MPHOSPH10: variants seen among roughly 807,000 people sequenced by gnomAD.
MPHOSPH10 encodes U3 small nucleolar ribonucleoprotein MPP10.
A neutral mutation model predicts 77.3 loss-of-function variants in MPHOSPH10; 33 were observed. The ratio of observed to expected loss-of-function variants is 0.43; its 90% CI spans 0.32 to 0.57. The LOEUF (loss-of-function observed/expected upper bound fraction) is 0.57. Ranked by LOEUF, MPHOSPH10 falls within the 20% of genes least tolerant of loss-of-function variation. The pLI is 0.07. For missense variants in MPHOSPH10, 708 were observed against 780.1 expected, an observed-to-expected ratio of 0.91 and a Z score of 1.10; for synonymous variants, 245 against 268.0, an observed-to-expected ratio of 0.91 and a Z score of 0.84.
intron 6 of MPHOSPH10, among the ~76,000 whole-genome samples, chr2:71,140,305 G>A (rs1446326751): frequency 6.6e-6 from 1 of 152,182 alleles, no homozygotes; most frequent in Non-Finnish European, 1.5e-5. Context: ...CCAAGGTCGA[G>A]GGGCCTTCTT....
intron 5 of MPHOSPH10, chr2:71,139,331 T>C (rs1300416802): frequency 6.4e-6 from 1 of 156,920 alleles, no homozygotes; most frequent in African/African-American, 2.4e-5. Context: ...TGATACCTAA[T>C]GTATAGTTTG....
In MPHOSPH10 at chr2:71,134,612, T is replaced by C. The variant is rs1673451021; in HGVS notation, c.927-14T>C. 6.4e-7 allele frequency: 1 copy of C among 1,573,880 alleles called. No homozygotes were observed. Among genetic ancestry groups the C allele is most frequent in the Non-Finnish European group, 8.6e-7 (1 of 1,166,458 alleles). On this transcript the variant is annotated splice_polypyrimidine_tract_variant and intron_variant, in intron 3 of 10. Coordinates refer to ENST00000244230, the MANE Select transcript of MPHOSPH10 (RefSeq NM_005791.3). ...AGTAGTATATTTCTTTTTATAAGAG[T>C]TTTGGTATTGTAGGGATGAAGATGA...
At chr2:71,147,519 A>G (rs1673738893) in intron 8 of MPHOSPH10, among the ~76,000 whole-genome samples, 1 of 152,040 alleles carries the variant, frequency 6.6e-6, no homozygotes, top group African/African-American at 2.4e-5. Context: ...TAAAAATACA[A>G]AAAATTAGCC....
intron 1 of MPHOSPH10, among the ~76,000 whole-genome samples, chr2:71,131,148 C>T (rs1388059129): frequency 6.6e-6 from 1 of 152,166 alleles, no homozygotes; most frequent in Non-Finnish European, 1.5e-5. Context: ...CATGACTAAG[C>T]TTCTTCAGAA....
In MPHOSPH10 at chr2:71,148,054, T is replaced by C. The variant is rs775117635; in HGVS notation, c.1613T>C (p.Val538Ala). The C allele has an allele frequency of 6.2e-7, 1 of 1,614,186 alleles. No individual in the cohort carries two copies. The highest frequency in any genetic ancestry group is 8.5e-7 in the Non-Finnish European group (1 of 1,180,042). ...CTGCCAGCCATAACCATGGAGGAAG[T>C]AGCCCCAGTGAGTGTTAGTGATGCA... is the stretch of plus-strand genomic sequence containing the variant. ...SNLPAITMEE[V>A]APVSVSDAAL... Residue 538 changes from valine (V) to alanine (A), a missense_variant, in exon 9 of 11, where the codon GTA becomes GCA. By Grantham distance (64) the Val-to-Ala change is moderately conservative. Coordinates refer to ENST00000244230, the MANE Select transcript of MPHOSPH10 (RefSeq NM_005791.3).
chr2:71,146,334 C>CTTTTTT lies in MPHOSPH10; in HGVS notation c.1558-1651_1558-1646dup, dbSNP rs778705527. On this transcript the variant is annotated intron_variant, in intron 8 of 10. Coordinates refer to ENST00000244230, the MANE Select transcript of MPHOSPH10 (RefSeq NM_005791.3). The stretch of plus-strand genomic sequence containing the variant: ...TAATCACAGCCATTATTTTTTGTGG[C>CTTTTTT]TTTTTTTTTTTTTTTTTTTGAGACA... Among the ~76,000 whole-genome samples the CTTTTTT allele has an allele frequency of 5.6e-5, 6 of 107,312 alleles. 1 individual carries two copies. The highest frequency in any genetic ancestry group is 9.0e-5 in the Non-Finnish European group (5 of 55,686). 70.4% of individuals were successfully genotyped at this position (107,312 alleles called of 152,430 possible).
chr2:71,130,790 G>T (rs763834537), intron 1 of MPHOSPH10, 36 bp downstream of exon 1: 1 of 1,571,938 alleles, frequency 6.4e-7, no homozygotes, highest in Non-Finnish European at 8.7e-7. Flanking sequence ...GGTGCGACCG[G>T]GGTCTCACGT....
rs535330003 is a variant in MPHOSPH10, at chr2:71,141,730, A to T, written c.1446+361A>T. On this transcript the variant is annotated intron_variant, in intron 7 of 10. Transcript: ENST00000244230. Reference sequence around the variant, plus strand: ...GATTTTTAGGTCTGTTTTTTCTTTCACTTAACTAAAATCTCTGGGCTGGGT... The same window carrying T: ...GATTTTTAGGTCTGTTTTTTCTTTCTCTTAACTAAAATCTCTGGGCTGGGT... 1.2e-4 allele frequency among the ~76,000 whole-genome samples: 19 copies of T among 152,140 alleles called. No homozygotes were observed. The East Asian group carries it at 3.5e-3, about 28-fold the overall frequency.
In MPHOSPH10 at chr2:71,133,185, A is replaced by T. The variant is rs778155378; in HGVS notation, c.377A>T (p.Asp126Val). Residue 126 changes from aspartate (D) to valine (V), a missense_variant, in exon 2 of 11, where the codon GAC becomes GTC. Physicochemically the swap from Asp to Val is radical, Grantham distance 152. Coordinates refer to ENST00000244230, the MANE Select transcript of MPHOSPH10 (RefSeq NM_005791.3). Reference sequence around the variant, plus strand: ...GATGGTTCAGAGATAGAGGCTGATGACAAGGAGGACCTAGAAGATTTAGAG... The same window carrying T: ...GATGGTTCAGAGATAGAGGCTGATGTCAAGGAGGACCTAGAAGATTTAGAG... ...EEDGSEIEADDKEDLEDLEEE... is the reference protein window; with the variant it reads ...EEDGSEIEADVKEDLEDLEEE... The T allele has an allele frequency of 2.0e-5, 32 of 1,614,180 alleles. No homozygotes were observed. The East Asian group carries it at 6.2e-4, about 31-fold the overall frequency.
In MPHOSPH10 at chr2:71,146,983, A is replaced by C. The variant is rs564624052; in HGVS notation, c.1558-1016A>C. On this transcript the variant is annotated intron_variant, in intron 8 of 10. Transcript: ENST00000244230. ...TGGGTAGTTCTTTCAAAAAAAGACA[A>C]AAATCTGAAGCAGATGGTCCTTCAA... is the stretch of plus-strand genomic sequence containing the variant. Among the ~76,000 whole-genome samples the C allele has an allele frequency of 2.0e-5, 3 of 152,368 alleles. No homozygotes were observed. In the East Asian group the frequency reaches 5.8e-4, roughly 29 times the overall value.
At chr2:71,146,929 A>T (rs756173617) in intron 8 of MPHOSPH10, among the ~76,000 whole-genome samples, 10 of 152,230 alleles carry the variant, frequency 6.6e-5, no homozygotes, top group Non-Finnish European at 1.5e-4. Context: ...CAGGATCAGT[A>T]TGAAACCTGT....
Position 71,150,014 on chromosome 2 carries a change from A to G in MPHOSPH10, c.2045A>G (p.Ter682=). The stretch of plus-strand genomic sequence containing the variant: ...ATTTCTGTTCATAAATTAAAGCTGT[A>G]ATATATTTTGAATATAATGTAAATA... ...QDISVHKLKL[*] Residue 682 remains the stop codon, a stop_retained_variant, in exon 11 of 11, where the codon TAA becomes TGA. Transcript: ENST00000244230. 7.8e-7 allele frequency: 1 copy of G among 1,276,962 alleles called. No homozygotes were observed. Among genetic ancestry groups the G allele is most frequent in the African/African-American group, 1.5e-5 (1 of 66,074 alleles). The allele number at this position is 1,276,962 out of a possible 1,614,324, so 79.1% of individuals were successfully genotyped here.
At chr2:71,137,813 A>G (rs114519616) in intron 4 of MPHOSPH10, among the ~76,000 whole-genome samples, 2,740 of 152,316 alleles carry the variant, frequency 0.018, 89 homozygotes, top group African/African-American at 0.062. Flanking sequence ...GTAGCTGAAA[A>G]GGCTGGCATT....
At chr2:71,130,820 C>G (rs1212604756) in intron 1 of MPHOSPH10, 66 bp downstream of exon 1, 4 of 1,468,768 alleles carry the variant, frequency 2.7e-6, no homozygotes, top group African/African-American at 1.4e-5. Flanking sequence ...TTGCAGGCCT[C>G]CGGCAAATTG....
intron 8 of MPHOSPH10, among the ~76,000 whole-genome samples, chr2:71,146,401 T>G (rs1254316739): frequency 1.4e-5 from 2 of 147,364 alleles, no homozygotes; most frequent in Non-Finnish European, 3.0e-5. Flanking sequence ...AGTGGCATGA[T>G]CTTGGCTCAC....
At chr2:71,134,932 C>A in intron 4 of MPHOSPH10, 135 bp downstream of exon 4, 1 of 684,838 alleles carries the variant, frequency 1.5e-6, no homozygotes, top group Non-Finnish European at 2.4e-6. Context: ...TTTGGTAGTC[C>A]AAAGCAAGAG....
intron 8 of MPHOSPH10, 110 bp downstream of exon 8, chr2:71,144,648 G>T: frequency 1.2e-6 from 1 of 822,400 alleles, no homozygotes; most frequent in Non-Finnish European, 1.9e-6. Context: ...CTTGTAGTTT[G>T]CTGTAAATTC....
At chr2:71,133,813 G>A in intron 2 of MPHOSPH10, 135 bp from the exon 3 acceptor site, 1 of 840,882 alleles carries the variant, frequency 1.2e-6, no homozygotes, top group Admixed American at 3.5e-5. Context: ...TATTAGTTTG[G>A]TTATTAGTTA....
At chr2:71,132,051 C>A (rs1403277924) in intron 1 of MPHOSPH10, among the ~76,000 whole-genome samples, 3 of 152,158 alleles carry the variant, frequency 2.0e-5, no homozygotes, top group African/African-American at 7.2e-5. Context: ...TAGGCTGCTA[C>A]TTTAATGTCT....
Sources: allele counts gnomAD v4.1 joint callset (sites outside exome capture counted in the v4.1 genomes callset), GRCh38; gene constraint gnomAD v4.1.1; transcripts MANE v1.5; gene names NCBI Gene and HGNC (gene_info 2026-07-23, HGNC 2026-07-21).